ARHGAP30: variants seen among roughly 807,000 people sequenced by gnomAD.
ARHGAP30 encodes the protein rho GTPase-activating protein 30.
In ARHGAP30, 23 loss-of-function variants were observed where a neutral mutation model predicts 72.0. The ratio of observed to expected loss-of-function variants is 0.32; its 90% CI spans 0.23 to 0.45. The LOEUF is 0.45. ARHGAP30 is among the 20% of genes least tolerant of loss of function. The pLI, the probability that ARHGAP30 is intolerant of heterozygous loss-of-function variation, is 1.00. For synonymous variants in ARHGAP30, 576 were observed against 528.2 expected (o/e 1.09, Z -1.24); for missense variants, 1,319 against 1,383.4 (o/e 0.95, Z 0.74).
Position 161,047,119 on chromosome 1 carries a change from CT to C in ARHGAP30, c.*595del. ...GAGCCCAGAGAGATCTGTACAGGAC[CT>C]CTCTTGCACATGGTGACTGGAGGCA... On this transcript the variant is annotated 3_prime_UTR_variant, in exon 12 of 12. Transcript: ENST00000368013. The C allele has an allele frequency of 3.3e-6, 1 of 301,256 alleles. No homozygotes were observed. Among genetic ancestry groups the C allele is most frequent in the South Asian group, 2.6e-5 (1 of 38,280 alleles). 18.7% of individuals were successfully genotyped at this position (301,256 alleles called of 1,614,324 possible).
chr1:161,049,624 G>A lies in ARHGAP30; in HGVS notation c.1486C>T (p.Pro496Ser), dbSNP rs1392179845. ...TGGGACAGCGAGTCCTCCAGGGCAG[G>A]AGCCAAGTCGTCTGGGCCTGAGTCT... ...LADSGPDDLA[P>S]ALEDSLSQEV... Residue 496 changes from proline to serine, a missense_variant, in exon 11 of 12, where the codon CCT becomes TCT. Pro to Ser is a moderately conservative substitution (Grantham distance 74). Coordinates refer to ENST00000368013, the MANE Select transcript of ARHGAP30 (RefSeq NM_001025598.2). 2.5e-6 allele frequency: 4 copies of A among 1,614,044 alleles called. No homozygotes were observed. Among genetic ancestry groups the A allele is most frequent in the South Asian group, 1.1e-5 (1 of 91,090 alleles).
chr1:161,066,644 CAAAAA>C (rs60662116), intron 1 of ARHGAP30, among the ~76,000 whole-genome samples: 34 of 75,080 alleles, frequency 4.5e-4, no homozygotes, highest in African/African-American at 2.0e-3. Context: ...GACTGCATCT[CAAAAA>C]AAAAAAAAAA....
Position 161,048,379 on chromosome 1 carries a change from T to C in ARHGAP30, c.2642A>G (p.His881Arg). 6.2e-7 allele frequency: 1 copy of C among 1,614,124 alleles called. No individual in the cohort carries two copies. The change falls in exon 12 of 12, where the codon CAC becomes CGC. Residue 881 changes from histidine to arginine, a missense_variant. By Grantham distance (29) the His-to-Arg change is conservative. Around this residue, in one of 2 missense-constraint regions of ARHGAP30, gnomAD observed 1,097 missense variants for 1,045.2 expected, o/e 1.05. Coordinates refer to ENST00000368013, the MANE Select transcript of ARHGAP30 (RefSeq NM_001025598.2). ...EVDCAKEGNPHSSEMEEVAPQ... is the reference protein window; with the variant it reads ...EVDCAKEGNPRSSEMEEVAPQ... ...GGCTACCTCTTCCATCTCAGAAGAG[T>C]GAGGATTGCCCTCTTTGGCACAGTC...
chr1:161,062,346 A>G (rs546188787), intron 1 of ARHGAP30, among the ~76,000 whole-genome samples: 1 of 152,194 alleles, frequency 6.6e-6, no homozygotes, highest in African/African-American at 2.4e-5. Flanking sequence ...GACAAATCCT[A>G]TGAGCCTTGG....
intron 10 of ARHGAP30, among the ~76,000 whole-genome samples, chr1:161,049,937 G>T (rs1465233007): frequency 1.3e-5 from 2 of 152,106 alleles, no homozygotes; most frequent in South Asian, 2.1e-4. Context: ...TATTATGTGG[G>T]GTATTGTCCT....
rs746721149 is a variant in ARHGAP30, at chr1:161,047,930, G to A, written c.3091C>T (p.Pro1031Ser). The change falls in exon 12 of 12, where the codon CCC (proline) becomes TCC (serine). Residue 1031 changes from proline to serine, a missense_variant. Around this residue, in one of 2 missense-constraint regions of ARHGAP30, gnomAD observed 1,097 missense variants for 1,045.2 expected, o/e 1.05. Transcript: ENST00000368013. ...ATCATGCTACAAGGGGAGGTTCTGGGGATGAGGCAGTAATCCCCACCCTCA... is the reference window on the plus strand; with the variant it reads ...ATCATGCTACAAGGGGAGGTTCTGGAGATGAGGCAGTAATCCCCACCCTCA... Reference protein sequence around the residue: ...CTEGGDYCLIPRTSPCSMISA... With the variant: ...CTEGGDYCLISRTSPCSMISA... 6.2e-7 allele frequency: 1 copy of A among 1,613,550 alleles called. No homozygotes were observed.
intron 9 of ARHGAP30, 110 bp from the exon 10 acceptor site, chr1:161,051,825 C>G (rs1322216520): frequency 2.1e-6 from 3 of 1,437,124 alleles, no homozygotes; most frequent in Non-Finnish European, 2.7e-6. Flanking sequence ...TTGAAAGCAA[C>G]GATAGCCTGG....
In ARHGAP30 at chr1:161,051,411, G is replaced by C; in HGVS notation, c.1323C>G (p.Ala441=). ...PPNIISNVSL[A]RLTRGLECPA... is the part of the protein sequence containing the mutation. ...GGCACTCAAGGCCACGGGTGAGCCTGGCCAAGGAAACGTTAGAGATGATGT... is the reference window on the plus strand; with the variant it reads ...GGCACTCAAGGCCACGGGTGAGCCTCGCCAAGGAAACGTTAGAGATGATGT... The change falls in exon 10 of 12, where the codon GCC becomes GCG. Residue 441 remains alanine (A), a synonymous_variant. Coordinates refer to ENST00000368013, the MANE Select transcript of ARHGAP30 (RefSeq NM_001025598.2). The C allele has an allele frequency of 1.2e-6, 2 of 1,614,172 alleles. No individual in the cohort carries two copies. Among genetic ancestry groups the C allele is most frequent in the Non-Finnish European group, 1.7e-6 (2 of 1,180,036 alleles).
In ARHGAP30 at chr1:161,048,588, T is replaced by G. The variant is rs1317055907; in HGVS notation, c.2433A>C (p.Arg811Ser). Reference sequence around the variant, plus strand: ...TGTCTTCACCATCTCCTTGGTCTTTTCTTGCTTCATGGTACCCCTTCTCCC... The same window carrying G: ...TGTCTTCACCATCTCCTTGGTCTTTGCTTGCTTCATGGTACCCCTTCTCCC... The part of the protein sequence containing the change: ...GQREKGYHEA[R>S]KDQGDGEDSR... The change falls in exon 12 of 12, where the codon AGA becomes AGC. Residue 811 changes from arginine (R) to serine (S), a missense_variant. By Grantham distance (110) the Arg-to-Ser change is moderately radical. Around this residue, in one of 2 missense-constraint regions of ARHGAP30, gnomAD observed 1,097 missense variants for 1,045.2 expected, o/e 1.05. Coordinates refer to ENST00000368013, the MANE Select transcript of ARHGAP30 (RefSeq NM_001025598.2). 1 of 1,614,140 alleles carries G rather than the reference T, an allele frequency of 6.2e-7. No individual in the cohort carries two copies. Among genetic ancestry groups the G allele is most frequent in the South Asian group, 1.1e-5 (1 of 91,088 alleles).
rs116809917 is a variant in ARHGAP30 at position 161,047,612 on chromosome 1, T to G, written c.*103A>C. On this transcript the variant is annotated 3_prime_UTR_variant, in exon 12 of 12. Coordinates refer to ENST00000368013, the MANE Select transcript of ARHGAP30 (RefSeq NM_001025598.2). ...AGCTGGAGGGCCAAAGCCTATAGAG[T>G]TGGGCACTACAGCTGCTCATGCTGC... 3 of 1,289,700 alleles carry G rather than the reference T, an allele frequency of 2.3e-6. No individual in the cohort carries two copies. Among genetic ancestry groups the G allele is most frequent in the African/African-American group, 3.0e-5 (2 of 66,524 alleles). 79.9% of individuals were successfully genotyped at this position (1,289,700 alleles called of 1,614,324 possible).
chr1:161,053,209 A>C, intron 6 of ARHGAP30, 49 bp downstream of exon 6: 1 of 1,607,610 alleles, frequency 6.2e-7, no homozygotes, highest in Non-Finnish European at 8.5e-7. Context: ...TCTGTAACTA[A>C]CTTGACTCCC....
chr1:161,058,938 A>G (rs2102056155), intron 2 of ARHGAP30, among the ~76,000 whole-genome samples: 1 of 152,192 alleles, frequency 6.6e-6, no homozygotes, highest in East Asian at 1.9e-4. Context: ...TAAAGTAAAT[A>G]TACCATGTGA....
intron 2 of ARHGAP30, among the ~76,000 whole-genome samples, chr1:161,059,218 G>A (rs1379426340): frequency 1.3e-5 from 2 of 151,936 alleles, no homozygotes; most frequent in Non-Finnish European, 2.9e-5. Context: ...TAGTAGAGAC[G>A]GGGTTTCACC....
chr1:161,051,259 T>G, intron 10 of ARHGAP30, 55 bp downstream of exon 10: 1 of 1,512,860 alleles, frequency 6.6e-7, no homozygotes, highest in South Asian at 1.3e-5. Flanking sequence ...CATCAGAGCT[T>G]CAGCCTAGAG....
chr1:161,056,635 T>A, intron 2 of ARHGAP30, 103 bp from the exon 3 acceptor site: 1 of 1,306,626 alleles, frequency 7.7e-7, no homozygotes, highest in Non-Finnish European at 1.0e-6. Context: ...GGTCAACATG[T>A]GTTGGACTTG....
chr1:161,051,039 G>C (rs890423191), intron 10 of ARHGAP30, among the ~76,000 whole-genome samples: 2 of 152,186 alleles, frequency 1.3e-5, no homozygotes, highest in Non-Finnish European at 2.9e-5. Context: ...TTTGTCCTTA[G>C]TAATCCCTGC....
At chr1:161,066,653 A>C (rs1034261245) in intron 1 of ARHGAP30, among the ~76,000 whole-genome samples, 6 of 43,450 alleles carry the variant, frequency 1.4e-4, no homozygotes, top group Non-Finnish European at 6.3e-4. Flanking sequence ...TCAAAAAAAA[A>C]AAAAAAAAAA....
rs970867880 is a variant in ARHGAP30, at chr1:161,069,344, C to G, written c.97+184G>C. 3.9e-5 allele frequency among the ~76,000 whole-genome samples: 6 copies of G among 152,154 alleles called. No individual in the cohort carries two copies. Among genetic ancestry groups the G allele is most frequent in the South Asian group, 4.1e-4 (2 of 4,836 alleles). On this transcript the variant is annotated intron_variant, in intron 1 of 11. Coordinates refer to ENST00000368013, the MANE Select transcript of ARHGAP30 (RefSeq NM_001025598.2). The surrounding 1 kb of genome is among the most constrained non-coding windows in gnomAD (Gnocchi z 4.9). ...CCAGAAAGTTACACAAGGGAGCCGC[C>G]CTGCCTTCTTCACTGAGCCACATTT...
chr1:161,060,289 G>A (rs1652221878), intron 1 of ARHGAP30: 1 of 410,988 alleles, frequency 2.4e-6, no homozygotes. Flanking sequence ...AAAAGAAAGA[G>A]AAAGAAAGAA....
Sources: gnomAD v4.1 joint callset for allele counts (sites outside exome capture counted in the v4.1 genomes callset) on GRCh38, gnomAD v4.1.1 for gene constraint, gnomAD v4.1.1 regional missense constraint, Gnocchi (gnomAD v3.1) non-coding constraint, MANE v1.5 for transcripts, NCBI Gene and HGNC (gene_info 2026-07-23, HGNC 2026-07-21) for gene names.